The following BRAF variants were observed in gnomAD, a reference collection of about 807,000 sequenced individuals.
BRAF encodes serine/threonine-protein kinase B-raf.
A neutral mutation model predicts 104.6 loss-of-function variants in BRAF; 16 were observed. The ratio of observed to expected loss-of-function variants is 0.15; its 90% CI spans 0.10 to 0.23. The LOEUF is 0.23. BRAF is among the 10% of genes least tolerant of loss of function. The pLI is 1.00. For synonymous variants in BRAF, 310 were observed against 341.6 expected (o/e 0.91, Z 1.02); for missense variants, 541 against 937.3 (o/e 0.58, Z 5.52).
At chr7:140,884,962 T>A (rs951063192) in intron 1 of BRAF, among the ~76,000 whole-genome samples, 6 of 151,896 alleles carry the variant, frequency 4.0e-5, no homozygotes, top group Non-Finnish European at 8.8e-5. Context: ...GAGGGCAAAG[T>A]GTCTTATTCA....
rs572300688 is a variant in BRAF at position 140,777,978 on chromosome 7, C to T, written c.1637+13G>A. The T allele has an allele frequency of 7.4e-6, 12 of 1,612,194 alleles. No individual in the cohort carries two copies. In the African/African-American group the frequency reaches 1.2e-4, roughly 16 times the overall value. ...CTTCTTTCTCTGGAAAAGAGTAATT[C>T]ACACAAGCTCACCTGAGTACTCCTA... On this transcript the variant is annotated intron_variant, in intron 13 of 19. Transcript: ENST00000644969.
intron 1 of BRAF, among the ~76,000 whole-genome samples, chr7:140,923,592 G>A (rs1244973958): frequency 6.6e-6 from 1 of 152,198 alleles, no homozygotes. Flanking sequence ...AGGTGTGAAT[G>A]CACAATGGAC....
intron 18 of BRAF, among the ~76,000 whole-genome samples, chr7:140,737,049 TA>T (rs879395038): frequency 1.2e-3 from 174 of 143,848 alleles, no homozygotes; most frequent in Middle Eastern, 3.6e-3. Flanking sequence ...GCCCAGCCTA[TA>T]AAAAAAAAAA....
chr7:140,808,264 A>C (rs1270781314), intron 4 of BRAF: 1 of 635,372 alleles, frequency 1.6e-6, no homozygotes, highest in Non-Finnish European at 2.9e-6. Flanking sequence ...CTCTTGGACA[A>C]ACAGCAGGGT....
chr7:140,861,736 T>C (rs1301403382), intron 1 of BRAF, among the ~76,000 whole-genome samples: 2 of 152,220 alleles, frequency 1.3e-5, no homozygotes, highest in African/African-American at 2.4e-5. Flanking sequence ...TCTGTGTCTA[T>C]AATTTTTTTG....
At position 140,721,873 on chromosome 7, in the gene BRAF, G is replaced by A. The variant is rs1795341720; in HGVS notation, c.*4621C>T. On this transcript the variant is annotated 3_prime_UTR_variant, in exon 20 of 20. Coordinates refer to ENST00000644969, the MANE Select transcript of BRAF (RefSeq NM_001374258.1). ...AGCGCTTTGGGACAGGATGACTAAC[G>A]CAGTCCAGCTTCATGTGCAATCAAG... 5.4e-6 allele frequency: 7 copies of A among 1,287,942 alleles called. No individual in the cohort carries two copies. The highest frequency in any genetic ancestry group is 4.0e-5 in the Admixed American group (1 of 24,974). The allele number at this position is 1,287,942 out of a possible 1,614,324, so 79.8% of individuals were successfully genotyped here.
At position 140,828,424 on chromosome 7, in the gene BRAF, A is replaced by G. The variant is rs189099373; in HGVS notation, c.504+6185T>C. Among the ~76,000 whole-genome samples, 23 of 152,134 alleles carry G rather than the reference A, an allele frequency of 1.5e-4. No individual in the cohort carries two copies. In the East Asian group the frequency reaches 4.3e-3, roughly 28 times the overall value. ...GTTTTCACCCTCTATAGGTTTTTCT[A>G]TTGAGCTCAGCTATACATTTAAATA... On this transcript the variant is annotated intron_variant, in intron 3 of 19. Transcript: ENST00000644969.
intron 9 of BRAF, among the ~76,000 whole-genome samples, chr7:140,786,539 A>G (rs1454072413): frequency 6.6e-6 from 1 of 152,212 alleles, no homozygotes; most frequent in Non-Finnish European, 1.5e-5. Context: ...ATGCTTACAA[A>G]AAGTATTTTC....
In BRAF at chr7:140,895,984, G is replaced by T. The variant is rs140903642; in HGVS notation, c.138+28582C>A. Among the ~76,000 whole-genome samples, 39 of 152,278 alleles carry T rather than the reference G, an allele frequency of 2.6e-4. 1 individual carries two copies. Among genetic ancestry groups the T allele is most frequent in the African/African-American group, 8.7e-4 (36 of 41,548 alleles). The stretch of plus-strand genomic sequence containing the variant: ...ACAGGAACCTCCATACTGATACAGT[G>T]TCTGTACTAGTTTACATTCCCACCA... On this transcript the variant is annotated intron_variant, in intron 1 of 19. Transcript: ENST00000644969.
intron 19 of BRAF, chr7:140,734,410 A>G (rs993501377): frequency 6.1e-6 from 9 of 1,478,954 alleles, no homozygotes; most frequent in Non-Finnish European, 8.0e-6. Flanking sequence ...CTTGGATGTT[A>G]AAAATCCAAT....
At chr7:140,729,062 C>CAAAA (rs764302395) in intron 19 of BRAF, among the ~76,000 whole-genome samples, 1 of 65,906 alleles carries the variant, frequency 1.5e-5, no homozygotes, top group Non-Finnish European at 3.6e-5. Flanking sequence ...GCTGTCTCTC[C>CAAAA]AAAAAAAAAA....
chr7:140,763,224 G>T (rs1562947184), intron 14 of BRAF, among the ~76,000 whole-genome samples: 1 of 151,970 alleles, frequency 6.6e-6, no homozygotes, highest in South Asian at 2.1e-4. Context: ...GAGGCGGCTG[G>T]CCGGGCGGGG....
intron 1 of BRAF, among the ~76,000 whole-genome samples, chr7:140,910,639 T>G (rs1419340432): frequency 6.6e-6 from 1 of 152,142 alleles, no homozygotes; most frequent in Non-Finnish European, 1.5e-5. Context: ...GAGGTAATCT[T>G]GTAACACCCA....
At chr7:140,854,836 C>T (rs1208988348) in intron 1 of BRAF, among the ~76,000 whole-genome samples, 1 of 151,658 alleles carries the variant, frequency 6.6e-6, no homozygotes, top group Admixed American at 6.6e-5. Context: ...TCCCAGCTAC[C>T]CAGGAGGCTG....
rs1272256053 is a variant in BRAF at position 140,754,113 on chromosome 7, T to C, written c.1861+74A>G. On this transcript the variant is annotated intron_variant, in intron 15 of 19. Coordinates refer to ENST00000644969, the MANE Select transcript of BRAF (RefSeq NM_001374258.1). ...ACTTAGCATGAAAACTGTTTTTACATAATGTGAAGACAAAATGCAGAAGAA... is the reference window on the plus strand; with the variant it reads ...ACTTAGCATGAAAACTGTTTTTACACAATGTGAAGACAAAATGCAGAAGAA... 10 of 1,450,476 alleles carry C rather than the reference T, an allele frequency of 6.9e-6. No individual in the cohort carries two copies. In the East Asian group the frequency reaches 1.8e-4, roughly 26 times the overall value. The allele number at this position is 1,450,476 out of a possible 1,614,324, so 89.9% of individuals were successfully genotyped here. A position where few individuals can be genotyped will look rare whatever the true frequency, so the allele number is the denominator to read the frequency against.
intron 12 of BRAF, among the ~76,000 whole-genome samples, chr7:140,778,322 T>C (rs956357465): frequency 6.6e-6 from 1 of 152,172 alleles, no homozygotes; most frequent in African/African-American, 2.4e-5. Flanking sequence ...GTTTGTTCCA[T>C]GGAAATTTGG....
chr7:140,906,051 G>A (rs1816272587), intron 1 of BRAF, among the ~76,000 whole-genome samples: 2 of 122,030 alleles, frequency 1.6e-5, no homozygotes, highest in South Asian at 2.9e-4. Flanking sequence ...TCCCGCCACT[G>A]CACTCCAGCC....
In BRAF at chr7:140,831,818, G is replaced by A. The variant is rs553502714; in HGVS notation, c.504+2791C>T. Among the ~76,000 whole-genome samples, 8 of 152,246 alleles carry A rather than the reference G, an allele frequency of 5.3e-5. No homozygotes were observed. In the East Asian group the frequency reaches 1.5e-3, roughly 29 times the overall value. ...ATATTCATATTTATATCACCAGCTC[G>A]ATTTATGAAGACACATGACTTTGTC... On this transcript the variant is annotated intron_variant, in intron 3 of 19. Transcript: ENST00000644969.
chr7:140,827,245 C>T (rs1806158266), intron 3 of BRAF, among the ~76,000 whole-genome samples: 1 of 152,132 alleles, frequency 6.6e-6, no homozygotes, highest in Admixed American at 6.5e-5. Context: ...TGTTTCCTTG[C>T]ATGTCTTACA....
Sources: allele counts gnomAD v4.1 joint callset (sites outside exome capture counted in the v4.1 genomes callset), GRCh38; gene constraint gnomAD v4.1.1; transcripts MANE v1.5; gene names NCBI Gene and HGNC (gene_info 2026-07-23, HGNC 2026-07-21).